The following BDKRB2 variants were observed in gnomAD, a reference collection of about 807,000 sequenced individuals.
BDKRB2 encodes bradykinin receptor B2.
Under a neutral mutation model 4.0 loss-of-function variants are expected in BDKRB2, and 6 were observed. That is an observed-to-expected ratio of 1.49 (90% CI 0.81 to 2.93). BDKRB2 has a LOEUF of 2.93. BDKRB2 is among the 30% of genes most tolerant of loss of function. The pLI is 0.00. For synonymous variants in BDKRB2, 225 were observed against 215.3 expected, an observed-to-expected ratio of 1.05 and a Z score of -0.40; for missense variants, 478 against 520.1, an observed-to-expected ratio of 0.92 and a Z score of 0.79.
chr14:96,237,729 T>C lies in BDKRB2; in HGVS notation c.74+548T>C, dbSNP rs558268663. 202 of 1,289,624 alleles carry C rather than the reference T, an allele frequency of 1.6e-4. No homozygotes were observed. In the African/African-American group the frequency reaches 2.8e-3, roughly 18 times the overall value. 79.9% of individuals were successfully genotyped at this position (1,289,624 alleles called of 1,614,324 possible). ...ACCCTGCTGCAGGTGCTGCCTATGA[T>C]GAAGATGAGCAGATGGCCATCTCAG... On this transcript the variant is annotated intron_variant, in intron 2 of 2. Transcript: ENST00000554311.
intron 1 of BDKRB2, among the ~76,000 whole-genome samples, chr14:96,227,158 T>G (rs1595257086): frequency 6.6e-6 from 1 of 152,310 alleles, no homozygotes. Flanking sequence ...GGGCATTTTC[T>G]TCTTAACTAC....
At chr14:96,224,870 T>C (rs1890658195) in intron 1 of BDKRB2, among the ~76,000 whole-genome samples, 1 of 152,198 alleles carries the variant, frequency 6.6e-6, no homozygotes, top group Non-Finnish European at 1.5e-5. Flanking sequence ...CTGAGCGGAA[T>C]TGGATAGAAG....
chr14:96,243,968 G>C lies in BDKRB2; in HGVS notation c.*2464G>C. On this transcript the variant is annotated 3_prime_UTR_variant, in exon 3 of 3. Coordinates refer to ENST00000554311, the MANE Select transcript of BDKRB2 (RefSeq NM_001379692.1). Reference sequence around the variant, plus strand: ...AATGGCCATGTGGGGATCCACACCTGGTCTGAGGGGCAACTGAGTCTGCGG... The same window carrying C: ...AATGGCCATGTGGGGATCCACACCTCGTCTGAGGGGCAACTGAGTCTGCGG... 5.2e-6 allele frequency: 2 copies of C among 384,870 alleles called. No homozygotes were observed. Among genetic ancestry groups the C allele is most frequent in the Non-Finnish European group, 9.2e-6 (2 of 218,024 alleles). 23.8% of individuals were successfully genotyped at this position (384,870 alleles called of 1,614,324 possible).
At chr14:96,231,522 C>T (rs1470879630) in intron 1 of BDKRB2, among the ~76,000 whole-genome samples, 1 of 152,166 alleles carries the variant, frequency 6.6e-6, no homozygotes, top group East Asian at 1.9e-4. Context: ...CTGCTGTGGC[C>T]TGAGGCTTAC....
intron 1 of BDKRB2, among the ~76,000 whole-genome samples, chr14:96,236,047 C>G (rs780370389): frequency 7.2e-5 from 11 of 152,172 alleles, no homozygotes; most frequent in Non-Finnish European, 1.3e-4. Flanking sequence ...GCCTCCCTCC[C>G]TGGATGGGAG....
At chr14:96,221,047 C>T (rs964848404) in intron 1 of BDKRB2, among the ~76,000 whole-genome samples, 2 of 152,068 alleles carry the variant, frequency 1.3e-5, no homozygotes, top group Non-Finnish European at 2.9e-5. Context: ...CCCAACTCCA[C>T]CCATCACCAG....
In BDKRB2 at chr14:96,241,962, A is replaced by G. The variant is rs1885304340; in HGVS notation, c.*458A>G. ...GGGTTTCTTTAATCTATTCAGCTAG[A>G]ACTTTGAAGGACAATTTCTTGCATT... On this transcript the variant is annotated 3_prime_UTR_variant, in exon 3 of 3. Transcript: ENST00000554311. 1 of 155,670 alleles carries G rather than the reference A, an allele frequency of 6.4e-6. No individual in the cohort carries two copies. Among genetic ancestry groups the G allele is most frequent in the African/African-American group, 2.4e-5 (1 of 41,564 alleles). 9.6% of individuals were successfully genotyped at this position (155,670 alleles called of 1,614,324 possible).
chr14:96,206,038 G>A (rs977901726), intron 1 of BDKRB2, among the ~76,000 whole-genome samples: 1 of 118,336 alleles, frequency 8.5e-6, no homozygotes. Flanking sequence ...GTTGGAGAAG[G>A]GCTTAGGTGG....
chr14:96,237,668 A>T (rs1024496641), intron 2 of BDKRB2: 26 of 1,284,678 alleles, frequency 2.0e-5, no homozygotes, highest in Non-Finnish European at 2.4e-5. Context: ...CAGCATTTGC[A>T]AGAAACAAGG....
Position 96,230,729 on chromosome 14 carries a change from G to A in BDKRB2, c.-39-6340G>A, listed in dbSNP as rs572913652. On this transcript the variant is annotated intron_variant, in intron 1 of 2. Coordinates refer to ENST00000554311, the MANE Select transcript of BDKRB2 (RefSeq NM_001379692.1). The stretch of plus-strand genomic sequence containing the variant: ...GCCTCCCGGTTCAAGCGATTCTCCT[G>A]CCTCAGCCCCCCAAGTAGCTGGGAT... 9.9e-5 allele frequency among the ~76,000 whole-genome samples: 15 copies of A among 151,528 alleles called. No homozygotes were observed. In the South Asian group the frequency reaches 2.7e-3, roughly 28 times the overall value.
chr14:96,216,606 G>C (rs1241888969), intron 1 of BDKRB2, among the ~76,000 whole-genome samples: 1 of 150,926 alleles, frequency 6.6e-6, no homozygotes, highest in Non-Finnish European at 1.5e-5. Flanking sequence ...CTGGGCAACA[G>C]AGCAAGATCC....
intron 1 of BDKRB2, among the ~76,000 whole-genome samples, chr14:96,228,356 T>C (rs1335133369): frequency 1.3e-5 from 2 of 152,324 alleles, no homozygotes; most frequent in Non-Finnish European, 2.9e-5. Context: ...CCCTGCCCTC[T>C]TGGTACCTGG....
chr14:96,238,023 GGGAC>G (rs1890978167), intron 2 of BDKRB2: 1 of 1,164,240 alleles, frequency 8.6e-7, no homozygotes, highest in Non-Finnish European at 1.1e-6. Flanking sequence ...TTGGACCAAG[GGGAC>G]TACCCAGGGG....
intron 1 of BDKRB2, among the ~76,000 whole-genome samples, chr14:96,205,314 G>A (rs116771974): frequency 1.3e-5 from 2 of 152,082 alleles, no homozygotes; most frequent in African/African-American, 2.4e-5. Context: ...CAGCAGGGAC[G>A]GGTGCTGGGT....
At chr14:96,223,825 A>G (rs1278950857) in intron 1 of BDKRB2, among the ~76,000 whole-genome samples, 1 of 152,228 alleles carries the variant, frequency 6.6e-6, no homozygotes, top group South Asian at 2.1e-4. Context: ...ATCTAAAAAA[A>G]AAAAAGAAAT....
intron 1 of BDKRB2, among the ~76,000 whole-genome samples, chr14:96,215,433 C>A (rs772232149): frequency 1.0e-4 from 15 of 150,176 alleles, no homozygotes; most frequent in Middle Eastern, 3.4e-3. Context: ...GTGCATAAAG[C>A]TTTTCCTGTC....
chr14:96,239,803 C>T, intron 2 of BDKRB2: 16 of 985,334 alleles, frequency 1.6e-5, no homozygotes, highest in Non-Finnish European at 1.9e-5. Context: ...GCTGCAAAGT[C>T]CCCACCCTCC....
chr14:96,207,931 G>A (rs903845722), intron 1 of BDKRB2, among the ~76,000 whole-genome samples: 3 of 152,104 alleles, frequency 2.0e-5, no homozygotes, highest in South Asian at 2.1e-4. Context: ...TTGGGTCCAG[G>A]AATCCCCTGC....
chr14:96,207,155 T>C (rs1890204559), intron 1 of BDKRB2, among the ~76,000 whole-genome samples: 1 of 152,118 alleles, frequency 6.6e-6, no homozygotes, highest in Non-Finnish European at 1.5e-5. Flanking sequence ...GGACTCTGGT[T>C]TTCAGAATGA....
Sources: allele counts gnomAD v4.1 joint callset (sites outside exome capture counted in the v4.1 genomes callset), GRCh38; gene constraint gnomAD v4.1.1; transcripts MANE v1.5; gene names NCBI Gene and HGNC (gene_info 2026-07-23, HGNC 2026-07-21).